The following SYNE1 variants were observed in gnomAD, a reference collection of about 807,000 sequenced individuals.
The protein encoded by SYNE1 is spectrin repeat containing nuclear envelope protein 1.
SYNE1 carries 616 observed loss-of-function variants against 1,111.0 expected under a neutral mutation model. The ratio of observed to expected loss-of-function variants is 0.55; its 90% confidence interval spans 0.52 to 0.59. SYNE1 has a LOEUF of 0.59. Among genes scored for constraint, SYNE1 ranks in the 20% least tolerant of loss-of-function variants. SYNE1 has a pLI of 0.00. For synonymous variants in SYNE1, 3,855 were observed against 3,825.8 expected, an observed-to-expected ratio of 1.01 and a Z score of -0.28; for missense variants, 10,006 against 10,417.0, an observed-to-expected ratio of 0.96 and a Z score of 1.72.
At chr6:152,301,696 T>G (rs1168110074) in intron 92 of SYNE1, among the ~76,000 whole-genome samples, 173 bp downstream of exon 92, 2 of 152,204 alleles carry the variant, frequency 1.3e-5, no homozygotes, top group Non-Finnish European at 2.9e-5. Flanking sequence ...GTTTACAGTG[T>G]CAAAGATTGG....
intron 131 of SYNE1, among the ~76,000 whole-genome samples, chr6:152,157,368 A>G (rs907457725): frequency 3.3e-5 from 5 of 152,230 alleles, no homozygotes; most frequent in Admixed American, 1.3e-4. Flanking sequence ...TGTGGGAGCT[A>G]AAAAAGTTGA....
intron 56 of SYNE1, among the ~76,000 whole-genome samples, chr6:152,379,348 C>T (rs558963179): frequency 1.1e-3 from 165 of 151,964 alleles, no homozygotes; most frequent in African/African-American, 2.6e-3. Context: ...AAATGAGTTT[C>T]GCAAACATAG....
intron 56 of SYNE1, among the ~76,000 whole-genome samples, 154 bp downstream of exon 56, chr6:152,380,852 C>A (rs2097400079): frequency 6.6e-6 from 1 of 152,070 alleles, no homozygotes; most frequent in Admixed American, 6.5e-5. Flanking sequence ...GAAAAGGAAA[C>A]AAATCAGACT....
chr6:152,457,467 G>T (rs1440988496), intron 22 of SYNE1, among the ~76,000 whole-genome samples: 2 of 152,122 alleles, frequency 1.3e-5, no homozygotes, highest in African/African-American at 4.8e-5. Flanking sequence ...TCTCTCCTCT[G>T]ATGGACAGGT....
intron 106 of SYNE1, 23 bp downstream of exon 106, chr6:152,244,514 A>T: frequency 6.2e-7 from 1 of 1,613,926 alleles, no homozygotes; most frequent in Non-Finnish European, 8.5e-7. Context: ...CTGCAGCTGA[A>T]TACTACTGGC....
chr6:152,386,949 C>T, intron 54 of SYNE1, 123 bp downstream of exon 54: 2 of 865,522 alleles, frequency 2.3e-6, no homozygotes, highest in Non-Finnish European at 3.3e-6. Context: ...GCCAATTCTC[C>T]AACAATTTAA....
At chr6:152,123,302 T>G (rs2052090592) in intron 145 of SYNE1, among the ~76,000 whole-genome samples, 1 of 152,212 alleles carries the variant, frequency 6.6e-6, no homozygotes, top group African/African-American at 2.4e-5. Context: ...GGAATAGCAG[T>G]GGAGTCTGTC....
In SYNE1 at chr6:152,494,134, A is replaced by ACCGCT. The variant is rs567145674; in HGVS notation, c.939+4603_939+4607dup. Among the ~76,000 whole-genome samples the ACCGCT allele has an allele frequency of 7.4e-4, 113 of 152,314 alleles. 1 individual carries two copies. Among genetic ancestry groups the ACCGCT allele is most frequent in the Admixed American group, 2.0e-3 (30 of 15,298 alleles). ...TTCATGTCTGTATGCAGTGACAGCC[A>ACCGCT]CCGCTTTAATACTTTTAGAGGCCAT... On this transcript the variant is annotated intron_variant, in intron 11 of 145. Coordinates refer to ENST00000367255, the MANE Select transcript of SYNE1 (RefSeq NM_182961.4).
At position 152,350,767 on chromosome 6, in the gene SYNE1, G is replaced by A. The variant is rs759656014; in HGVS notation, c.11584C>T (p.Leu3862Phe). ...TCATGGGACAGCACCGTTTGTTGAAGTGACTTGAATTACAAAGAAAAAAAA... is the reference window on the plus strand; with the variant it reads ...TCATGGGACAGCACCGTTTGTTGAAATGACTTGAATTACAAAGAAAAAAAA... ...KKAQLSKYKS[L>F]QQTVLSHEPS... Residue 3862 changes from leucine (L) to phenylalanine (F), a missense_variant, in exon 71 of 146, where the codon CTT becomes TTT. By Grantham distance (22) the Leu-to-Phe change is conservative. Transcript: ENST00000367255. 2 of 1,592,948 alleles carry A rather than the reference G, an allele frequency of 1.3e-6. No individual in the cohort carries two copies. The highest frequency in any genetic ancestry group is 1.7e-6 in the Non-Finnish European group (2 of 1,171,940).
intron 145 of SYNE1, chr6:152,125,234 T>C: frequency 1.3e-6 from 2 of 1,547,888 alleles, no homozygotes; most frequent in Non-Finnish European, 1.7e-6. Flanking sequence ...GGAATAATGG[T>C]AATGGTAATT....
intron 75 of SYNE1, 87 bp downstream of exon 75, chr6:152,339,154 G>A (rs945000070): frequency 3.2e-6 from 5 of 1,547,646 alleles, no homozygotes; most frequent in Admixed American, 1.7e-5. Flanking sequence ...CAAGCCAAGA[G>A]CTATTTTCTT....
chr6:152,283,897 C>T (rs536826660), intron 96 of SYNE1, 81 bp downstream of exon 96: 178 of 1,169,686 alleles, frequency 1.5e-4, no homozygotes, highest in East Asian at 2.8e-4. Context: ...AATGTAAATA[C>T]GTAAGTAACC....
In SYNE1 at chr6:152,221,525, C is replaced by T. The variant is rs972511972; in HGVS notation, c.21557G>A (p.Ser7186Asn). The T allele has an allele frequency of 6.2e-7, 1 of 1,613,852 alleles. No homozygotes were observed. The change falls in exon 118 of 146, where the codon AGC becomes AAC. Residue 7186 changes from serine to asparagine, a missense_variant. This residue lies in a region of SYNE1 where 2,182 missense variants were observed against 2,287.8 expected (regional missense o/e 0.95). Coordinates refer to ENST00000367255, the MANE Select transcript of SYNE1 (RefSeq NM_182961.4). ...GGTGATAGAGCCAAATTTCTGTAAG[C>T]TCCTTTCCTGTTTTTCCAGATCATC... ...LQDDLEKQER[S>N]LQKFGSITNQ...
intron 62 of SYNE1, among the ~76,000 whole-genome samples, chr6:152,366,578 AC>A (rs2097084722): frequency 6.6e-6 from 1 of 152,100 alleles, no homozygotes; most frequent in African/African-American, 2.4e-5. Context: ...CCAACTTTCA[AC>A]CCCATCCCTT....
intron 145 of SYNE1, chr6:152,125,439 C>G (rs2053062533): frequency 1.4e-6 from 2 of 1,439,728 alleles, no homozygotes; most frequent in Non-Finnish European, 1.8e-6. Flanking sequence ...AGTTACATGA[C>G]CATGGGCAAG....
chr6:152,149,458 G>GA lies in SYNE1; in HGVS notation c.24642+18dup. 1 of 1,614,038 alleles carries GA rather than the reference G, an allele frequency of 6.2e-7. No homozygotes were observed. Reference sequence around the variant, plus strand: ...TCTCTTTAGATTTAATGACAACTAAGAAAATCAATGTTACATACAGGCAGG... The same window carrying GA: ...TCTCTTTAGATTTAATGACAACTAAGAAAAATCAATGTTACATACAGGCAGG... On this transcript the variant is annotated intron_variant, in intron 136 of 145. Transcript: ENST00000367255.
At chr6:152,605,382 C>A (rs2695253) in intron 3 of SYNE1, among the ~76,000 whole-genome samples, 1 of 146,442 alleles carries the variant, frequency 6.8e-6, no homozygotes, top group Non-Finnish European at 1.5e-5. Flanking sequence ...CCTCTTAAAT[C>A]AGAAACAAAA....
chr6:152,413,607 A>T (rs551691810), intron 41 of SYNE1, 76 bp from the exon 42 acceptor site: 57 of 1,447,010 alleles, frequency 3.9e-5, no homozygotes, highest in Non-Finnish European at 5.5e-5. Context: ...TAAGTATATG[A>T]TGAGTCCATA....
Position 152,511,072 on chromosome 6 carries a change from A to C in SYNE1, c.341T>G (p.Ile114Arg), listed in dbSNP as rs2099082471. 1 of 1,613,916 alleles carries C rather than the reference A, an allele frequency of 6.2e-7. No homozygotes were observed. Among genetic ancestry groups the C allele is most frequent in the South Asian group, 1.1e-5 (1 of 91,088 alleles). ...IKLVNINSTDIADGRPSIVLG... is the reference protein window; with the variant it reads ...IKLVNINSTDRADGRPSIVLG... The stretch of plus-strand genomic sequence containing the variant: ...AACTATTGAGGGTCGGCCATCAGCT[A>C]TATCGGTGGAGTTAATGTTGACTAA... The change falls in exon 7 of 146, where the codon ATA (isoleucine) becomes AGA (arginine). Residue 114 changes from isoleucine (I) to arginine (R), a missense_variant. By Grantham distance (97) the Ile-to-Arg change is moderately conservative (BLOSUM62 -3). Transcript: ENST00000367255.
Sources: gnomAD v4.1 joint callset for allele counts (sites outside exome capture counted in the v4.1 genomes callset) on GRCh38, gnomAD v4.1.1 for gene constraint, gnomAD v4.1.1 regional missense constraint, MANE v1.5 for transcripts, NCBI Gene and HGNC (gene_info 2026-07-23, HGNC 2026-07-21) for gene names.